The following MAP1LC3B variants were observed in gnomAD, a reference collection of about 807,000 sequenced individuals.
MAP1LC3B encodes microtubule-associated protein 1 light chain 3 beta.
In MAP1LC3B, 12 loss-of-function variants were observed where a neutral mutation model predicts 16.7. The ratio of observed to expected loss-of-function variants is 0.72; its 90% CI spans 0.46 to 1.16. MAP1LC3B has a LOEUF of 1.16. MAP1LC3B is among the 50% of genes most tolerant of loss of function. MAP1LC3B has a pLI of 0.00. For missense variants in MAP1LC3B, 155 were observed against 159.5 expected (o/e 0.97, Z 0.15); for synonymous variants, 63 against 56.5 (o/e 1.11, Z -0.51).
At chr16:87,393,015 G>A (rs113582183) in intron 1 of MAP1LC3B, 1 of 152,270 alleles carries the variant, frequency 6.6e-6, no homozygotes, top group South Asian at 2.1e-4. Flanking sequence ...TGCCTCGGTC[G>A]AGAGGAGGGG....
At position 87,392,350 on chromosome 16, in the gene MAP1LC3B, C is replaced by T. The variant is rs902036021; in HGVS notation, c.-78C>T. 97 of 1,337,192 alleles carry T rather than the reference C, an allele frequency of 7.3e-5. No individual in the cohort carries two copies. The highest frequency in any genetic ancestry group is 2.8e-4 in the Middle Eastern group (1 of 3,632). 82.8% of individuals were successfully genotyped at this position (1,337,192 alleles called of 1,614,324 possible). ...TGGCTATCGCCAGAGTCGGATTCGC[C>T]GCCGCAGCAGCCGCCGCCCCCGGGA... On this transcript the variant is annotated 5_prime_UTR_variant, in exon 1 of 4. Transcript: ENST00000268607.
intron 1 of MAP1LC3B, among the ~76,000 whole-genome samples, chr16:87,397,490 T>C (rs986609479): frequency 6.6e-6 from 1 of 152,110 alleles, no homozygotes; most frequent in African/African-American, 2.4e-5. Flanking sequence ...TGGTGTCGGG[T>C]GCCTGTAGTC....
intron 1 of MAP1LC3B, among the ~76,000 whole-genome samples, chr16:87,395,353 A>G (rs1907761720): frequency 6.6e-6 from 1 of 152,204 alleles, no homozygotes; most frequent in South Asian, 2.1e-4. Context: ...TCTGTGTACA[A>G]GCCTGAGCCC....
chr16:87,392,628 C>T, intron 1 of MAP1LC3B, 161 bp downstream of exon 1: 3 of 580,444 alleles, frequency 5.2e-6, no homozygotes, highest in Non-Finnish European at 6.9e-6. Context: ...GGCCCGGGGC[C>T]CCGTGAGGGA....
Position 87,402,271 on chromosome 16 carries a change from A to G in MAP1LC3B, c.193A>G (p.Lys65Glu), listed in dbSNP as rs760756783. ...CCATGTCAACATGAGTGAGCTCATC[A>G]AGATAATTAGGTATTCAGTCACCTT... ...PDHVNMSELI[K>E]IIRRRLQLNA... is the part of the protein sequence containing the mutation. Residue 65 changes from lysine (K) to glutamate (E), a missense_variant, in exon 3 of 4, where the codon AAG becomes GAG. Lys to Glu is a moderately conservative substitution (Grantham distance 56). Coordinates refer to ENST00000268607, the MANE Select transcript of MAP1LC3B (RefSeq NM_022818.5). 5.6e-6 allele frequency: 9 copies of G among 1,613,920 alleles called. No individual in the cohort carries two copies. In the Admixed American group the frequency reaches 1.3e-4, roughly 24 times the overall value.
intron 3 of MAP1LC3B, 96 bp downstream of exon 3, chr16:87,402,377 T>C: frequency 8.5e-7 from 1 of 1,173,400 alleles, no homozygotes. Flanking sequence ...GGTTAAAATC[T>C]TTAAAAAATA....
At chr16:87,392,740 C>CG (rs2066880988) in intron 1 of MAP1LC3B, 1 of 159,654 alleles carries the variant, frequency 6.3e-6, no homozygotes. Flanking sequence ...GGAGGGCGGG[C>CG]GGGGGCCGGT....
rs1196519327 is a variant in MAP1LC3B at position 87,392,371 on chromosome 16, CG to C, written c.-54del. On this transcript the variant is annotated 5_prime_UTR_variant, in exon 1 of 4. Coordinates refer to ENST00000268607, the MANE Select transcript of MAP1LC3B (RefSeq NM_022818.5). ...TCGCCGCCGCAGCAGCCGCCGCCCC[CG>C]GGAGCCGCCGGGACCCTCGCGTCGT... is the stretch of plus-strand genomic sequence containing the variant. The C allele has an allele frequency of 2.2e-6, 3 of 1,380,450 alleles. No individual in the cohort carries two copies. Among genetic ancestry groups the C allele is most frequent in the Non-Finnish European group, 2.8e-6 (3 of 1,074,800 alleles). The allele number at this position is 1,380,450 out of a possible 1,614,324, so 85.5% of individuals were successfully genotyped here.
chr16:87,395,602 A>C (rs555182040), intron 1 of MAP1LC3B, among the ~76,000 whole-genome samples: 1 of 152,322 alleles, frequency 6.6e-6, no homozygotes, highest in African/African-American at 2.4e-5. Flanking sequence ...ACAGCCAGTT[A>C]GTTACTCCAG....
At chr16:87,396,554 A>C (rs1027167281) in intron 1 of MAP1LC3B, 3 of 152,302 alleles carry the variant, frequency 2.0e-5, no homozygotes, top group Admixed American at 2.0e-4. Flanking sequence ...TTAAATGTGA[A>C]ACATTCCAGG....
chr16:87,394,360 CAGTA>C (rs1191005685), intron 1 of MAP1LC3B, among the ~76,000 whole-genome samples: 2 of 152,096 alleles, frequency 1.3e-5, no homozygotes, highest in African/African-American at 2.4e-5. Flanking sequence ...ATGTGTAGCA[CAGTA>C]AGTGAGGGAA....
Position 87,403,126 on chromosome 16 carries a change from T to C in MAP1LC3B, c.*29T>C. On this transcript the variant is annotated 3_prime_UTR_variant, in exon 4 of 4. Coordinates refer to ENST00000268607, the MANE Select transcript of MAP1LC3B (RefSeq NM_022818.5). ...CAGAAAAAATGCAGCTCTTCTAGAA[T>C]TGTTTAAACCCTTACCAAGGAAAAA... 1 of 1,576,264 alleles carries C rather than the reference T, an allele frequency of 6.3e-7. No homozygotes were observed.
chr16:87,394,112 T>A lies in MAP1LC3B; in HGVS notation c.40+1645T>A, dbSNP rs558101898. 2.3e-3 allele frequency among the ~76,000 whole-genome samples: 350 copies of A among 152,258 alleles called. 1 individual carries two copies. The highest frequency in any genetic ancestry group is 8.0e-3 in the African/African-American group (334 of 41,530). ...GACCAGCAATAATGCCCCATTTTTTTCCCATTGATGTATGGACCTTGTATA... is the reference window on the plus strand; with the variant it reads ...GACCAGCAATAATGCCCCATTTTTTACCCATTGATGTATGGACCTTGTATA... On this transcript the variant is annotated intron_variant, in intron 1 of 3. Coordinates refer to ENST00000268607, the MANE Select transcript of MAP1LC3B (RefSeq NM_022818.5).
rs781472539 is a variant in MAP1LC3B, at chr16:87,392,404, C to G, written c.-24C>G. Reference sequence around the variant, plus strand: ...GCCGGGACCCTCGCGTCGTCGCCGCCGCCGCCGCCCAGATCCCTGCACCAT... The same window carrying G: ...GCCGGGACCCTCGCGTCGTCGCCGCGGCCGCCGCCCAGATCCCTGCACCAT... On this transcript the variant is annotated 5_prime_UTR_variant, in exon 1 of 4. Transcript: ENST00000268607. 4 of 1,421,020 alleles carry G rather than the reference C, an allele frequency of 2.8e-6. No homozygotes were observed. The highest frequency in any genetic ancestry group is 3.6e-6 in the Non-Finnish European group (4 of 1,096,140). The allele number at this position is 1,421,020 out of a possible 1,614,324, so 88.0% of individuals were successfully genotyped here.
intron 2 of MAP1LC3B, chr16:87,399,971 A>G (rs906921861): frequency 1.1e-5 from 2 of 180,000 alleles, no homozygotes; most frequent in Non-Finnish European, 2.4e-5. Context: ...ACAGGGTTTC[A>G]CCATGTTGGC....
chr16:87,393,042 G>T (rs1310465236), intron 1 of MAP1LC3B: 4 of 152,296 alleles, frequency 2.6e-5, no homozygotes, highest in Non-Finnish European at 5.9e-5. Context: ...CTGGGCCCCG[G>T]CCTCGCCGCG....
At chr16:87,392,547 G>C (rs1597387172) in intron 1 of MAP1LC3B, 80 bp downstream of exon 1, 1 of 1,190,668 alleles carries the variant, frequency 8.4e-7, no homozygotes, top group East Asian at 3.5e-5. Flanking sequence ...GGGACGCCGT[G>C]AGGGGTCGGG....
At position 87,392,419 on chromosome 16, in the gene MAP1LC3B, C is replaced by A. The variant is rs1450755986; in HGVS notation, c.-9C>A. On this transcript the variant is annotated 5_prime_UTR_variant, in exon 1 of 4. Coordinates refer to ENST00000268607, the MANE Select transcript of MAP1LC3B (RefSeq NM_022818.5). ...TCGTCGCCGCCGCCGCCGCCCAGAT[C>A]CCTGCACCATGCCGTCGGAGAAGAC... 2 of 1,429,898 alleles carry A rather than the reference C, an allele frequency of 1.4e-6. No homozygotes were observed. The highest frequency in any genetic ancestry group is 1.8e-6 in the Non-Finnish European group (2 of 1,100,988). 88.6% of individuals were successfully genotyped at this position (1,429,898 alleles called of 1,614,324 possible).
chr16:87,402,084 C>T (rs1908014004), intron 2 of MAP1LC3B, 91 bp from the exon 3 acceptor site: 1 of 1,265,744 alleles, frequency 7.9e-7, no homozygotes, highest in African/African-American at 1.5e-5. Flanking sequence ...ATGTGCCCGC[C>T]TCGGCCTCCC....
Sources: allele counts gnomAD v4.1 joint callset (sites outside exome capture counted in the v4.1 genomes callset), GRCh38; gene constraint gnomAD v4.1.1; transcripts MANE v1.5; gene names NCBI Gene and HGNC (gene_info 2026-07-23, HGNC 2026-07-21).